The following SLC37A3 variants were observed in gnomAD, a reference collection of about 807,000 sequenced individuals.
SLC37A3 encodes the protein sugar phosphate exchanger 3.
SLC37A3 carries 51 observed loss-of-function variants against 67.1 expected under a neutral mutation model. The ratio of observed to expected loss-of-function variants is 0.76; its 90% CI spans 0.61 to 0.96. The LOEUF is 0.96. SLC37A3 is among the 40% of genes least tolerant of loss of function. SLC37A3 has a pLI of 0.00. For missense variants in SLC37A3, 508 were observed against 603.0 expected (o/e 0.84, Z 1.65); for synonymous variants, 214 against 231.4 (o/e 0.92, Z 0.68).
chr7:140,362,694 T>C (rs868086350), intron 5 of SLC37A3, among the ~76,000 whole-genome samples: 2,360 of 22,634 alleles, frequency 0.1, 65 homozygotes, highest in Non-Finnish European at 0.11. Context: ...GTCAGCCCCC[T>C]GCCCGGCCAG....
At position 140,382,467 on chromosome 7, in the gene SLC37A3, A is replaced by C; in HGVS notation, c.60T>G (p.His20Gln). ...GSLLSQFSHH[H>Q]VVVFLLTFFS... ...AGAAAGTGAGCAGGAACACTACAAC[A>C]TGATGATGGCTGAACTGGGACAGCA... The change falls in exon 2 of 15, where the codon CAT becomes CAG. Residue 20 changes from histidine to glutamine, a missense_variant. His to Gln is a conservative substitution (Grantham distance 24, BLOSUM62 0). Transcript: ENST00000326232. 1 of 1,614,178 alleles carries C rather than the reference A, an allele frequency of 6.2e-7. No individual in the cohort carries two copies. Among genetic ancestry groups the C allele is most frequent in the Non-Finnish European group, 8.5e-7 (1 of 1,180,012 alleles).
chr7:140,352,267 G>A, intron 7 of SLC37A3, 121 bp from the exon 8 acceptor site: 1 of 803,202 alleles, frequency 1.2e-6, no homozygotes, highest in African/African-American at 1.7e-5. Flanking sequence ...AGACCGGGAA[G>A]CAAGGGAGCA....
chr7:140,364,620 T>G, intron 4 of SLC37A3, 129 bp from the exon 5 acceptor site: 21 of 769,868 alleles, frequency 2.7e-5, no homozygotes, highest in Non-Finnish European at 4.3e-5. Flanking sequence ...ATGCCGAGGC[T>G]ACCTGTCTAC....
In SLC37A3 at chr7:140,364,429, G is replaced by C; in HGVS notation, c.354C>G (p.Gly118=). The C allele has an allele frequency of 6.2e-7, 1 of 1,613,918 alleles. No homozygotes were observed. The highest frequency in any genetic ancestry group is 1.6e-4 in the Middle Eastern group (1 of 6,062). The change falls in exon 5 of 15, where the codon GGC becomes GGG. Residue 118 remains glycine (G), a synonymous_variant. Transcript: ENST00000326232. ...RLNLRWVLSF[G]MCSSALVVFV... ...TTACCACTAATGCAGAAGAGCACAT[G>C]CCAAAAGACAGAACCCATCGCAAAT...
intron 13 of SLC37A3, among the ~76,000 whole-genome samples, chr7:140,338,041 C>T (rs1180064462): frequency 6.6e-6 from 1 of 152,036 alleles, no homozygotes; most frequent in African/African-American, 2.4e-5. Flanking sequence ...CAGGCGCCTG[C>T]CACCTCACCC....
intron 5 of SLC37A3, among the ~76,000 whole-genome samples, chr7:140,362,451 C>T (rs1322196328): frequency 1.4e-5 from 2 of 144,350 alleles, no homozygotes. Flanking sequence ...CCCGGCCAGC[C>T]GCCCCGTCTG....
rs570724649 is a variant in SLC37A3, at chr7:140,334,651, G to A, written c.*761C>T. The A allele has an allele frequency of 6.5e-6, 1 of 154,324 alleles. No individual in the cohort carries two copies. The highest frequency in any genetic ancestry group is 2.4e-5 in the African/African-American group (1 of 41,562). The allele number at this position is 154,324 out of a possible 1,614,324, so 9.6% of individuals were successfully genotyped here. A position where few individuals can be genotyped will look rare whatever the true frequency, so the allele number is the denominator to read the frequency against. On this transcript the variant is annotated 3_prime_UTR_variant, in exon 15 of 15. Coordinates refer to ENST00000326232, the MANE Select transcript of SLC37A3 (RefSeq NM_207113.3). The stretch of plus-strand genomic sequence containing the variant: ...TGATGTACCTTATGGTCCTTTACAC[G>A]TCAGAATGTTCAAGATAACTGATGT...
chr7:140,352,370 G>A (rs1352594206), intron 7 of SLC37A3, among the ~76,000 whole-genome samples: 4 of 152,130 alleles, frequency 2.6e-5, no homozygotes, highest in East Asian at 3.9e-4. Context: ...GGCTCAGAGA[G>A]GAGAATGAAG....
Position 140,395,926 on chromosome 7 carries a change from G to A in SLC37A3, c.-71+2490C>T, listed in dbSNP as rs1016091015. 4.0e-5 allele frequency among the ~76,000 whole-genome samples: 6 copies of A among 151,598 alleles called. No homozygotes were observed. In the East Asian group the frequency reaches 1.2e-3, roughly 29 times the overall value. On this transcript the variant is annotated intron_variant, in intron 1 of 14. Coordinates refer to ENST00000326232, the MANE Select transcript of SLC37A3 (RefSeq NM_207113.3). ...TTTTCAAAGTGTAAAGAAGAATGTG[G>A]GAAATTATTAAATGTATAGTTGAGT...
intron 1 of SLC37A3, among the ~76,000 whole-genome samples, chr7:140,390,134 A>G (rs985907615): frequency 2.6e-5 from 4 of 151,982 alleles, no homozygotes; most frequent in African/African-American, 9.7e-5. Context: ...CGTATTAGGA[A>G]CTCTCTGAAG....
In SLC37A3 at chr7:140,345,209, G is replaced by A. The variant is rs759760688; in HGVS notation, c.1174+7C>T. 6.2e-7 allele frequency: 1 copy of A among 1,612,328 alleles called. No individual in the cohort carries two copies. The highest frequency in any genetic ancestry group is 8.5e-7 in the Non-Finnish European group (1 of 1,178,408). On this transcript the variant is annotated splice_region_variant and intron_variant, in intron 12 of 14. Coordinates refer to ENST00000326232, the MANE Select transcript of SLC37A3 (RefSeq NM_207113.3). Reference sequence around the variant, plus strand: ...GAAGCATGGTGGAGCAGAGCCATGTGCCGTACCTGTAACAGTCATCAGAAG... The same window carrying A: ...GAAGCATGGTGGAGCAGAGCCATGTACCGTACCTGTAACAGTCATCAGAAG...
At chr7:140,387,465 A>G (rs1442911978) in intron 1 of SLC37A3, among the ~76,000 whole-genome samples, 1 of 150,256 alleles carries the variant, frequency 6.7e-6, no homozygotes, top group African/African-American at 2.5e-5. Flanking sequence ...AATACAAAAA[A>G]TTAGCCGGGC....
chr7:140,395,380 A>T (rs1166719281), intron 1 of SLC37A3, among the ~76,000 whole-genome samples: 4 of 11,372 alleles, frequency 3.5e-4, no homozygotes, highest in Non-Finnish European at 5.3e-4. Context: ...ATCTCAAATT[A>T]AAAAAAAAAA....
chr7:140,345,752 G>A (rs1377133107), intron 11 of SLC37A3, 117 bp downstream of exon 11: 8 of 765,220 alleles, frequency 1.0e-5, no homozygotes, highest in Admixed American at 9.4e-5. Flanking sequence ...GTGGCATATC[G>A]GGCCTTGAAG....
rs1223066954 is a variant in SLC37A3 at position 140,382,460 on chromosome 7, C to T, written c.67G>A (p.Val23Met). 1.2e-6 allele frequency: 2 copies of T among 1,614,018 alleles called. No homozygotes were observed. Among genetic ancestry groups the T allele is most frequent in the African/African-American group, 1.3e-5 (1 of 74,928 alleles). The change falls in exon 2 of 15, where the codon GTG (valine) becomes ATG (methionine). Residue 23 changes from valine (V) to methionine (M), a missense_variant. Val to Met is a conservative substitution (Grantham distance 21). Coordinates refer to ENST00000326232, the MANE Select transcript of SLC37A3 (RefSeq NM_207113.3). ...TACCTGAAGAAAGTGAGCAGGAACA[C>T]TACAACATGATGATGGCTGAACTGG... ...LSQFSHHHVVVFLLTFFSYSL... is the reference protein window; with the variant it reads ...LSQFSHHHVVMFLLTFFSYSL...
At chr7:140,376,659 G>A (rs897820458) in intron 3 of SLC37A3, among the ~76,000 whole-genome samples, 1 of 152,194 alleles carries the variant, frequency 6.6e-6, no homozygotes, top group South Asian at 2.1e-4. Context: ...TCCTCAAAGT[G>A]GTGAGCAGAG....
intron 3 of SLC37A3, among the ~76,000 whole-genome samples, chr7:140,371,642 A>G (rs543764460): frequency 7.9e-5 from 12 of 152,326 alleles, no homozygotes; most frequent in African/African-American, 1.2e-4. Context: ...TATTTTGTCA[A>G]TATCTTTTGT....
intron 11 of SLC37A3, 29 bp downstream of exon 11, chr7:140,345,840 G>A (rs747941275): frequency 6.5e-7 from 1 of 1,527,676 alleles, no homozygotes; most frequent in Non-Finnish European, 9.1e-7. Context: ...GGGGAGCAAA[G>A]GAATTAGTAA....
Position 140,334,965 on chromosome 7 carries a change from T to G in SLC37A3, c.*447A>C, listed in dbSNP as rs1225233918. 5 of 388,070 alleles carry G rather than the reference T, an allele frequency of 1.3e-5. No homozygotes were observed. The highest frequency in any genetic ancestry group is 2.4e-5 in the Non-Finnish European group (5 of 205,266). The allele number at this position is 388,070 out of a possible 1,614,324, so 24.0% of individuals were successfully genotyped here. A position where few individuals can be genotyped will look rare whatever the true frequency, so the allele number is the denominator to read the frequency against. On this transcript the variant is annotated 3_prime_UTR_variant, in exon 15 of 15. Transcript: ENST00000326232. Reference sequence around the variant, plus strand: ...CAAAGATGACCCACTCTCTGTAAACTCATTACCAAAGCAAAATGCAATGAT... The same window carrying G: ...CAAAGATGACCCACTCTCTGTAAACGCATTACCAAAGCAAAATGCAATGAT...
Sources: gnomAD v4.1 joint callset for allele counts (sites outside exome capture counted in the v4.1 genomes callset) on GRCh38, gnomAD v4.1.1 for gene constraint, MANE v1.5 for transcripts, NCBI Gene and HGNC (gene_info 2026-07-23, HGNC 2026-07-21) for gene names.